ATXN2L: variants seen among roughly 807,000 people sequenced by gnomAD.
The protein encoded by ATXN2L is ataxin 2 like.
A neutral mutation model predicts 120.7 loss-of-function variants in ATXN2L; 24 were observed. That is an observed-to-expected ratio of 0.20 (90% confidence interval 0.14 to 0.28). The LOEUF (loss-of-function observed/expected upper bound fraction) is 0.28, where lower values mean the gene tolerates loss of function less well. Ranked by LOEUF, ATXN2L falls within the 10% of genes least tolerant of loss-of-function variation. ATXN2L has a pLI of 1.00. For synonymous variants in ATXN2L, 653 were observed against 568.1 expected, an observed-to-expected ratio of 1.15 and a Z score of -2.13; for missense variants, 1,312 against 1,432.3, an observed-to-expected ratio of 0.92 and a Z score of 1.36.
intron 4 of ATXN2L, 49 bp downstream of exon 4, chr16:28,825,890 G>T (rs1202364772): frequency 6.6e-7 from 1 of 1,505,322 alleles, no homozygotes; most frequent in East Asian, 2.3e-5. Flanking sequence ...AGTAGGAGGA[G>T]AATGAAATAG....
At chr16:28,832,654 G>A in intron 12 of ATXN2L, 87 bp downstream of exon 12, 1 of 1,459,494 alleles carries the variant, frequency 6.9e-7, no homozygotes, top group Non-Finnish European at 9.6e-7. Context: ...GGAATTCAGA[G>A]GCAAACAATG....
chr16:28,832,871 T>C lies in ATXN2L; in HGVS notation c.1643T>C (p.Phe548Ser), dbSNP rs1298716118. ...TTCCAACTGGAAGAACTGAGAAAGT[T>C]TGGGGCCCAGTTTAAGGTGAGAGAA... ...KRFQLEELRK[F>S]GAQFKLQPSS... Residue 548 changes from phenylalanine (F) to serine (S), a missense_variant, in exon 13 of 22, where the codon TTT (phenylalanine) becomes TCT (serine). Transcript: ENST00000336783. 4 of 1,614,028 alleles carry C rather than the reference T, an allele frequency of 2.5e-6. No homozygotes were observed. The East Asian group carries it at 6.7e-5, about 27-fold the overall frequency.
Position 28,830,659 on chromosome 16 carries a change from C to A in ATXN2L, c.1079C>A (p.Pro360His). The change falls in exon 9 of 22, where the codon CCC becomes CAC. Residue 360 changes from proline to histidine, a missense_variant. Physicochemically the swap from Pro to His is moderately conservative, Grantham distance 77. Transcript: ENST00000336783. ...IPLPQRVREGPRGGVRCSSSR... is the reference protein window; with the variant it reads ...IPLPQRVREGHRGGVRCSSSR... ...CTGCCTCAACGAGTCCGGGAAGGTC[C>A]CCGGGGAGGAGTTCGATGCAGCAGC... is the stretch of plus-strand genomic sequence containing the variant. 1 of 1,611,958 alleles carries A rather than the reference C, an allele frequency of 6.2e-7. No individual in the cohort carries two copies. The highest frequency in any genetic ancestry group is 8.5e-7 in the Non-Finnish European group (1 of 1,179,166).
intron 4 of ATXN2L, 125 bp from the exon 5 acceptor site, chr16:28,826,115 T>A: frequency 8.8e-7 from 1 of 1,139,164 alleles, no homozygotes; most frequent in Non-Finnish European, 1.3e-6. Flanking sequence ...GTTGAGGATG[T>A]AGTGTTGTGA....
At chr16:28,824,113 C>G (rs1363994122) in intron 1 of ATXN2L, 24 of 1,015,392 alleles carry the variant, frequency 2.4e-5, no homozygotes, top group Non-Finnish European at 2.8e-5. Context: ...GGGAGGACTG[C>G]GGGCCGGGAG....
intron 8 of ATXN2L, 147 bp from the exon 9 acceptor site, chr16:28,830,468 G>A: frequency 2.6e-6 from 2 of 771,664 alleles, no homozygotes; most frequent in South Asian, 4.0e-5. Flanking sequence ...TTAAACTAGG[G>A]CAGATCTTCA....
chr16:28,826,755 TC>T (rs1234804572), intron 5 of ATXN2L, 106 bp from the exon 6 acceptor site: 1 of 1,355,026 alleles, frequency 7.4e-7, no homozygotes, highest in Non-Finnish European at 9.8e-7. Context: ...ACTCTGGACT[TC>T]TTAAACTTTG....
rs1006804742 is a variant in ATXN2L, at chr16:28,835,171, C to T, written c.2547C>T (p.Thr849=). The change falls in exon 19 of 22, where the codon ACC becomes ACT. Residue 849 remains threonine (T), a synonymous_variant. Transcript: ENST00000336783. ...AGTACCCTTCTGCAGAGCAGCCTAC[C>T]CCCCAAGCCCTTTATGGTGAGTCCT... ...TPQYPSAEQP[T]PQALYATVHQ... 3 of 1,612,184 alleles carry T rather than the reference C, an allele frequency of 1.9e-6. No individual in the cohort carries two copies. In the South Asian group the frequency reaches 3.3e-5, roughly 18 times the overall value.
Position 28,826,776 on chromosome 16 carries a change from T to C in ATXN2L, c.617-86T>C. 5.6e-6 allele frequency: 8 copies of C among 1,423,278 alleles called. No homozygotes were observed. The Middle Eastern group carries it at 7.6e-4, about 135-fold the overall frequency. 88.2% of individuals were successfully genotyped at this position (1,423,278 alleles called of 1,614,324 possible). ...GACTTCTTAAACTTTGTTCCTGAAC[T>C]ACTTACGGAGAGTGGGGTTGGGGGA... On this transcript the variant is annotated intron_variant, in intron 5 of 21. Transcript: ENST00000336783.
chr16:28,833,065 C>T lies in ATXN2L; in HGVS notation c.1666C>T (p.Pro556Ser), dbSNP rs1401847061. ...GTGTGTTTCTCTCTTCCAGCTTCAG[C>T]CCAGTAGCTCCCCTGAGAACAGCCT... ...RKFGAQFKLQ[P>S]SSSPENSLDP... Residue 556 changes from proline to serine, a missense_variant, in exon 14 of 22, where the codon CCC (proline) becomes TCC (serine). By Grantham distance (74) the Pro-to-Ser change is moderately conservative. Coordinates refer to ENST00000336783, the MANE Select transcript of ATXN2L (RefSeq NM_007245.4). 1.9e-6 allele frequency: 3 copies of T among 1,613,604 alleles called. No homozygotes were observed. The highest frequency in any genetic ancestry group is 2.7e-5 in the African/African-American group (2 of 74,906).
In ATXN2L at chr16:28,831,314, AGTTTT is replaced by A. The variant is rs144853543; in HGVS notation, c.1321+258_1321+262del. Reference sequence around the variant, plus strand: ...TTGTTTAGATTTGAATCAGTTGCTAAGTTTTGTTTTGTTTTGTTTTTTTCTTTTTT... The same window carrying A: ...TTGTTTAGATTTGAATCAGTTGCTAAGTTTTGTTTTGTTTTTTTCTTTTTT... On this transcript the variant is annotated intron_variant, in intron 10 of 21. Transcript: ENST00000336783. 6.8e-3 allele frequency among the ~76,000 whole-genome samples: 1,027 copies of A among 152,046 alleles called. 9 individuals are homozygous for A. The highest frequency in any genetic ancestry group is 0.023 in the African/African-American group (942 of 41,450).
chr16:28,831,174 A>T, intron 10 of ATXN2L, 102 bp downstream of exon 10: 1 of 873,552 alleles, frequency 1.1e-6, no homozygotes, highest in Non-Finnish European at 1.7e-6. Context: ...TAATTTTAAG[A>T]TAGATGTTTT....
Position 28,831,082 on chromosome 16 carries a change from T to C in ATXN2L, c.1321+10T>C. 2 of 1,559,268 alleles carry C rather than the reference T, an allele frequency of 1.3e-6. No individual in the cohort carries two copies. The highest frequency in any genetic ancestry group is 1.1e-5 in the South Asian group (1 of 87,320). On this transcript the variant is annotated intron_variant, in intron 10 of 21. Coordinates refer to ENST00000336783, the MANE Select transcript of ATXN2L (RefSeq NM_007245.4). ...CCACCTCCTCCTGCAGGTAAAGCTTTAGTAGTGTTGGATGAAGAAATGGAT... is the reference window on the plus strand; with the variant it reads ...CCACCTCCTCCTGCAGGTAAAGCTTCAGTAGTGTTGGATGAAGAAATGGAT...
rs151275740 is a variant in ATXN2L, at chr16:28,828,992, A to G, written c.742-409A>G. 2.2e-3 allele frequency among the ~76,000 whole-genome samples: 328 copies of G among 152,180 alleles called. 7 individuals carry two copies. In the East Asian group the frequency reaches 0.058, roughly 27 times the overall value. Reference sequence around the variant, plus strand: ...CCTCAGGTGATCCACCCACCTCCCAAAGTGCTGGGATTACAGGCATGAGCC... The same window carrying G: ...CCTCAGGTGATCCACCCACCTCCCAGAGTGCTGGGATTACAGGCATGAGCC... On this transcript the variant is annotated intron_variant, in intron 6 of 21. Coordinates refer to ENST00000336783, the MANE Select transcript of ATXN2L (RefSeq NM_007245.4).
In ATXN2L at chr16:28,832,288, T is replaced by C. The variant is rs568296581; in HGVS notation, c.1405T>C (p.Ser469Pro). The C allele has an allele frequency of 2.5e-6, 4 of 1,614,118 alleles. No individual in the cohort carries two copies. The African/African-American group carries it at 5.3e-5, about 22-fold the overall frequency. The change falls in exon 11 of 22, where the codon TCG becomes CCG. Residue 469 changes from serine (S) to proline (P), a missense_variant. Physicochemically the swap from Ser to Pro is moderately conservative, Grantham distance 74. Coordinates refer to ENST00000336783, the MANE Select transcript of ATXN2L (RefSeq NM_007245.4). The part of the protein sequence containing the change: ...SASCPEPPIG[S>P]AVPTSSASIP... ...TTCCTGTCCAGAGCCTCCCATCGGC[T>C]CGGCAGTGCCAACCTCTTCAGCCTC...
Position 28,831,036 on chromosome 16 carries a change from CCTT to C in ATXN2L, c.1288_1290del (p.Ser430del). The C allele has an allele frequency of 6.2e-7, 1 of 1,611,588 alleles. No homozygotes were observed. Among genetic ancestry groups the C allele is most frequent in the South Asian group, 1.1e-5 (1 of 90,570 alleles). On this transcript the variant is annotated inframe_deletion, in exon 10 of 22. Transcript: ENST00000336783. Reference sequence around the variant, plus strand: ...GACTCTGTCTTCGCCCAGTAATAGGCCTTCTGGAGAAACTTCTGTTCCACCTCC... The same window carrying C: ...GACTCTGTCTTCGCCCAGTAATAGGCCTGGAGAAACTTCTGTTCCACCTCC...
At chr16:28,829,254 C>T (rs1006653686) in intron 6 of ATXN2L, 147 bp from the exon 7 acceptor site, 1 of 630,342 alleles carries the variant, frequency 1.6e-6, no homozygotes, top group Non-Finnish European at 2.9e-6. Flanking sequence ...CCTCCTGCCT[C>T]AGCTTCCCAA....
Position 28,834,059 on chromosome 16 carries a change from T to A in ATXN2L, c.2026-6T>A, listed in dbSNP as rs760927716. The stretch of plus-strand genomic sequence containing the variant: ...AAAATAAAATTGTCCTCCCTTGTTT[T>A]TGCAGAATAAATCCACCAGTACCCC... On this transcript the variant is annotated splice_region_variant and splice_polypyrimidine_tract_variant and intron_variant, in intron 15 of 21. Coordinates refer to ENST00000336783, the MANE Select transcript of ATXN2L (RefSeq NM_007245.4). 2 of 1,611,692 alleles carry A rather than the reference T, an allele frequency of 1.2e-6. No individual in the cohort carries two copies. Among genetic ancestry groups the A allele is most frequent in the African/African-American group, 1.3e-5 (1 of 74,904 alleles).
chr16:28,826,639 G>C (rs1210676172), intron 5 of ATXN2L: 10 of 615,982 alleles, frequency 1.6e-5, no homozygotes, highest in Non-Finnish European at 2.6e-5. Context: ...TTCTTTGCTT[G>C]GTTTTTAACT....
Sources: allele counts gnomAD v4.1 joint callset (sites outside exome capture counted in the v4.1 genomes callset), GRCh38; gene constraint gnomAD v4.1.1; transcripts MANE v1.5; gene names NCBI Gene and HGNC (gene_info 2026-07-23, HGNC 2026-07-21).